SEC61B: variants seen among roughly 807,000 people sequenced by gnomAD.
SEC61B encodes the protein SEC61 translocon subunit beta.
In SEC61B, 7 loss-of-function variants were observed where a neutral mutation model predicts 12.6. That is an observed-to-expected ratio of 0.55 (90% CI 0.32 to 1.04). The LOEUF (loss-of-function observed/expected upper bound fraction) is 1.04. Ranked by LOEUF, SEC61B falls within the 50% of genes least tolerant of loss-of-function variation. The pLI is 0.05. For synonymous variants in SEC61B, 54 were observed against 50.1 expected, an observed-to-expected ratio of 1.08 and a Z score of -0.33; for missense variants, 107 against 130.1, an observed-to-expected ratio of 0.82 and a Z score of 0.86.
intron 2 of SEC61B, chr9:99,223,047 C>G (rs1296372467): frequency 1.2e-5 from 2 of 164,598 alleles, no homozygotes; most frequent in Non-Finnish European, 2.6e-5. Context: ...AATTATATCT[C>G]CTTACTTCCA....
At position 99,222,376 on chromosome 9, in the gene SEC61B, C is replaced by T. The variant is rs756603888; in HGVS notation, c.3+10C>T. On this transcript the variant is annotated intron_variant, in intron 1 of 3. Transcript: ENST00000223641. ...CCTCATCTCCAATATGGTATGGCGG[C>T]CCTTCCATGATCCCCGCCTCTCCCA... The T allele has an allele frequency of 1.2e-6, 2 of 1,613,866 alleles. No individual in the cohort carries two copies. The highest frequency in any genetic ancestry group is 1.7e-6 in the Non-Finnish European group (2 of 1,180,000).
At chr9:99,229,045 TAA>T (rs916981837) in intron 3 of SEC61B, among the ~76,000 whole-genome samples, 4 of 152,226 alleles carry the variant, frequency 2.6e-5, no homozygotes, top group East Asian at 1.9e-4. Context: ...TACAAATTTG[TAA>T]AGTTTTTATT....
At position 99,222,696 on chromosome 9, in the gene SEC61B, C is replaced by T; in HGVS notation, c.101+53C>T. 5 of 1,236,014 alleles carry T rather than the reference C, an allele frequency of 4.0e-6. No individual in the cohort carries two copies. In the South Asian group the frequency reaches 4.5e-5, roughly 11 times the overall value. 76.6% of individuals were successfully genotyped at this position (1,236,014 alleles called of 1,614,324 possible). A position where few individuals can be genotyped will look rare whatever the true frequency, so the allele number is the denominator to read the frequency against. On this transcript the variant is annotated intron_variant, in intron 2 of 3. Coordinates refer to ENST00000223641, the MANE Select transcript of SEC61B (RefSeq NM_006808.3). Reference sequence around the variant, plus strand: ...CCAGACTCGGAGATAGGACCCAGAACCTCGCTGATTCTGGGGTGGAGACCC... The same window carrying T: ...CCAGACTCGGAGATAGGACCCAGAATCTCGCTGATTCTGGGGTGGAGACCC...
chr9:99,223,324 CA>C (rs1828856757), intron 2 of SEC61B: 1 of 139,516 alleles, frequency 7.2e-6, no homozygotes, highest in African/African-American at 2.6e-5. Flanking sequence ...CTAAAAAAAA[CA>C]AACAAACAAA....
intron 2 of SEC61B, among the ~76,000 whole-genome samples, chr9:99,224,404 C>A (rs1828873983): frequency 6.6e-6 from 1 of 152,078 alleles, no homozygotes; most frequent in African/African-American, 2.4e-5. Flanking sequence ...AAAACATGTC[C>A]TGTGGGTGCG....
At chr9:99,225,903 TATA>T (rs536288018) in intron 2 of SEC61B, among the ~76,000 whole-genome samples, 77 of 152,354 alleles carry the variant, frequency 5.1e-4, no homozygotes, top group African/African-American at 1.7e-3. Context: ...AGTCCATGAC[TATA>T]ATATGTTCAC....
At chr9:99,227,693 G>A (rs62562376) in intron 2 of SEC61B, among the ~76,000 whole-genome samples, 1,732 of 152,238 alleles carry the variant, frequency 0.011, 12 homozygotes, top group Non-Finnish European at 0.019. Flanking sequence ...GCTTTTCAGG[G>A]TTATTGTATG....
At chr9:99,223,695 A>G (rs1418300674) in intron 2 of SEC61B, among the ~76,000 whole-genome samples, 2 of 152,210 alleles carry the variant, frequency 1.3e-5, no homozygotes, top group African/African-American at 4.8e-5. Flanking sequence ...CCCGGCCTTC[A>G]GCCTAATCTT....
At chr9:99,230,170 A>G (rs1309585239) in intron 3 of SEC61B, among the ~76,000 whole-genome samples, 167 bp from the exon 4 acceptor site, 1 of 152,270 alleles carries the variant, frequency 6.6e-6, no homozygotes, top group African/African-American at 2.4e-5. Context: ...AAAAGTATCC[A>G]CAATAATAAT....
intron 1 of SEC61B, 83 bp downstream of exon 1, chr9:99,222,449 C>G: frequency 6.2e-7 from 1 of 1,607,824 alleles, no homozygotes. Context: ...CTCTGTAGCT[C>G]CCTTGCTTCC....
chr9:99,229,438 C>G (rs1274500241), intron 3 of SEC61B, among the ~76,000 whole-genome samples: 1 of 152,064 alleles, frequency 6.6e-6, no homozygotes, highest in Non-Finnish European at 1.5e-5. Flanking sequence ...GATCTTTACT[C>G]CAGGAGACAA....
intron 2 of SEC61B, among the ~76,000 whole-genome samples, chr9:99,223,398 C>CT (rs545613209): frequency 1.1e-3 from 154 of 142,822 alleles, no homozygotes; most frequent in South Asian, 7.0e-3. Flanking sequence ...TTTCTTTTTC[C>CT]TTTTTTTTTT....
intron 2 of SEC61B, among the ~76,000 whole-genome samples, chr9:99,224,308 G>A (rs1280689773): frequency 6.6e-6 from 1 of 152,172 alleles, no homozygotes; most frequent in Non-Finnish European, 1.5e-5. Flanking sequence ...CATGAGGAGT[G>A]TATCAGGCTG....
At chr9:99,223,839 C>A (rs1828865934) in intron 2 of SEC61B, among the ~76,000 whole-genome samples, 1 of 152,192 alleles carries the variant, frequency 6.6e-6, no homozygotes, top group African/African-American at 2.4e-5. Flanking sequence ...CTCTTGAGGC[C>A]TTCTCTGTCT....
At chr9:99,224,883 C>T (rs1270539256) in intron 2 of SEC61B, among the ~76,000 whole-genome samples, 1 of 152,216 alleles carries the variant, frequency 6.6e-6, no homozygotes, top group African/African-American at 2.4e-5. Context: ...GTAGAGCTGC[C>T]TTCTCCATGC....
chr9:99,226,043 C>T (rs181164617), intron 2 of SEC61B, among the ~76,000 whole-genome samples: 92 of 152,360 alleles, frequency 6.0e-4, no homozygotes, highest in African/African-American at 2.1e-3. Flanking sequence ...ATGAATCTTT[C>T]TGTAAATCCC....
rs772529127 is a variant in SEC61B at position 99,230,389 on chromosome 9, A to T, written c.256A>T (p.Met86Leu). The T allele has an allele frequency of 6.2e-7, 1 of 1,611,028 alleles. No homozygotes were observed. Among genetic ancestry groups the T allele is most frequent in the Non-Finnish European group, 8.5e-7 (1 of 1,178,630 alleles). ...TCTTCTGTTCATCGCTTCTGTATTT[A>T]TGTTGCACATTTGGGGCAAGTACAC... Reference protein sequence around the residue: ...MSLLFIASVFMLHIWGKYTRS With the variant: ...MSLLFIASVFLLHIWGKYTRS Residue 86 changes from methionine to leucine, a missense_variant, in exon 4 of 4, where the codon ATG (methionine) becomes TTG (leucine). Met to Leu is a conservative substitution (Grantham distance 15). Transcript: ENST00000223641.
At chr9:99,226,408 A>G (rs1194244142) in intron 2 of SEC61B, among the ~76,000 whole-genome samples, 1 of 152,148 alleles carries the variant, frequency 6.6e-6, no homozygotes, top group African/African-American at 2.4e-5. Flanking sequence ...GATGGTAGGG[A>G]TAGGGTTTTC....
intron 2 of SEC61B, among the ~76,000 whole-genome samples, chr9:99,225,426 C>T (rs894916424): frequency 3.3e-5 from 5 of 152,040 alleles, no homozygotes; most frequent in Admixed American, 6.5e-5. Flanking sequence ...GGTTTGGGGA[C>T]GAATAGGCCT....
Sources: allele counts gnomAD v4.1 joint callset (sites outside exome capture counted in the v4.1 genomes callset), GRCh38; gene constraint gnomAD v4.1.1; transcripts MANE v1.5; gene names NCBI Gene and HGNC (gene_info 2026-07-23, HGNC 2026-07-21).